Variants in LAMA2 observed in about 807,000 individuals in gnomAD.
LAMA2 encodes the protein laminin subunit alpha 2, also known as laminin subunit alpha-2.
A neutral mutation model predicts 364.8 loss-of-function variants in LAMA2; 269 were observed. The observed-to-expected ratio is 0.74, with a 90% CI of 0.67 to 0.82. LAMA2 has a LOEUF of 0.82. Among genes scored for constraint, LAMA2 ranks in the 40% least tolerant of loss-of-function variants. The pLI is 0.00. For synonymous variants in LAMA2, 1,379 were observed against 1,370.6 expected (o/e 1.01, Z -0.14); for missense variants, 3,807 against 3,873.2 (o/e 0.98, Z 0.45).
intron 1 of LAMA2, among the ~76,000 whole-genome samples, chr6:128,996,171 A>G (rs1430857547): frequency 6.6e-6 from 1 of 152,208 alleles, no homozygotes; most frequent in Non-Finnish European, 1.5e-5. Context: ...TAAAATGGCG[A>G]GTGAATGCTG....
rs1229054027 is a variant in LAMA2 at position 129,502,654 on chromosome 6, T to G, written c.8245-5T>G. 1 of 1,604,030 alleles carries G rather than the reference T, an allele frequency of 6.2e-7. No homozygotes were observed. Among genetic ancestry groups the G allele is most frequent in the South Asian group, 1.1e-5 (1 of 90,904 alleles). On this transcript the variant is annotated splice_region_variant and splice_polypyrimidine_tract_variant and intron_variant, in intron 58 of 64. Coordinates refer to ENST00000421865, the MANE Select transcript of LAMA2 (RefSeq NM_000426.4). ...TCCTGTTTTTCTCTCCTGGGTATTT[T>G]ACAGGGTCCTTGTGCTGCAGAATCA...
intron 1 of LAMA2, among the ~76,000 whole-genome samples, chr6:128,968,538 T>C (rs530179438): frequency 6.6e-6 from 1 of 152,150 alleles, no homozygotes; most frequent in African/African-American, 2.4e-5. Context: ...GGGAGTTAAT[T>C]GAAGGGGTAG....
intron 60 of LAMA2, 36 bp from the exon 61 acceptor site, chr6:129,505,164 C>T (rs771801507): frequency 1.3e-6 from 2 of 1,592,650 alleles, no homozygotes; most frequent in African/African-American, 2.7e-5. Flanking sequence ...GAAATTTGTT[C>T]AGGATTGGCA....
At chr6:129,205,493 T>TATATATATATATAC (rs1343472728) in intron 12 of LAMA2, among the ~76,000 whole-genome samples, 8 of 104,270 alleles carry the variant, frequency 7.7e-5, no homozygotes, top group African/African-American at 4.4e-4. Flanking sequence ...TATATATATA[T>TATATATATATATAC]ACACACACAC....
chr6:129,092,812 T>G (rs1774925077), intron 3 of LAMA2, among the ~76,000 whole-genome samples: 1 of 152,118 alleles, frequency 6.6e-6, no homozygotes, highest in Non-Finnish European at 1.5e-5. Context: ...TGACCTTCAT[T>G]AATATTTTTT....
At chr6:129,218,488 T>C (rs144549288) in intron 12 of LAMA2, among the ~76,000 whole-genome samples, 2 of 152,264 alleles carry the variant, frequency 1.3e-5, no homozygotes, top group African/African-American at 4.8e-5. Flanking sequence ...GAGGGGAAAA[T>C]GTAAATTAGA....
At chr6:129,117,758 C>T (rs1004435724) in intron 4 of LAMA2, among the ~76,000 whole-genome samples, 2 of 152,184 alleles carry the variant, frequency 1.3e-5, no homozygotes, top group Non-Finnish European at 2.9e-5. Flanking sequence ...ACTCATTAAA[C>T]CTTTACAGTA....
chr6:129,101,851 A>T (rs1304917234), intron 4 of LAMA2, among the ~76,000 whole-genome samples: 1 of 152,146 alleles, frequency 6.6e-6, no homozygotes. Context: ...CTCTCTAAAT[A>T]TTGCTTCTTC....
At chr6:128,969,491 G>A (rs978074696) in intron 1 of LAMA2, among the ~76,000 whole-genome samples, 2 of 152,026 alleles carry the variant, frequency 1.3e-5, no homozygotes, top group African/African-American at 4.8e-5. Context: ...GAGTGTAGTG[G>A]TGTGATCTCA....
intron 18 of LAMA2, among the ~76,000 whole-genome samples, chr6:129,287,558 G>T (rs535305138): frequency 6.6e-6 from 1 of 152,164 alleles, no homozygotes; most frequent in Non-Finnish European, 1.5e-5. Flanking sequence ...GATTCCTCCA[G>T]AGTGCCAGCA....
chr6:129,325,552 A>AG (rs560589242), intron 28 of LAMA2, among the ~76,000 whole-genome samples: 163 of 152,224 alleles, frequency 1.1e-3, no homozygotes, highest in African/African-American at 3.8e-3. Flanking sequence ...TTTAAAAAAA[A>AG]CAGCACGTTT....
At chr6:129,144,228 A>C in intron 5 of LAMA2, 148 bp downstream of exon 5, 1 of 585,406 alleles carries the variant, frequency 1.7e-6, no homozygotes, top group Non-Finnish European at 2.9e-6. Flanking sequence ...TATTATTATT[A>C]TTATTTGAAA....
At chr6:129,085,526 G>T (rs1774327148) in intron 3 of LAMA2, among the ~76,000 whole-genome samples, 1 of 152,120 alleles carries the variant, frequency 6.6e-6, no homozygotes, top group Non-Finnish European at 1.5e-5. Context: ...TTCTCCAATG[G>T]TAACATGTTT....
intron 22 of LAMA2, among the ~76,000 whole-genome samples, chr6:129,306,580 C>T (rs1186393510): frequency 2.6e-5 from 4 of 151,468 alleles, no homozygotes; most frequent in African/African-American, 9.7e-5. Context: ...TTGTCTCTTT[C>T]TGGAAATCAT....
intron 1 of LAMA2, among the ~76,000 whole-genome samples, chr6:128,972,864 C>T (rs17723635): frequency 6.6e-6 from 1 of 152,082 alleles, no homozygotes; most frequent in Non-Finnish European, 1.5e-5. Context: ...CAAATCATCT[C>T]TCTGTCTCTT....
At chr6:129,318,745 T>C (rs1774772363) in intron 27 of LAMA2, among the ~76,000 whole-genome samples, 1 of 152,222 alleles carries the variant, frequency 6.6e-6, no homozygotes, top group Non-Finnish European at 1.5e-5. Context: ...AGACCAATCT[T>C]CAGAGTGCAG....
At chr6:129,246,603 AG>A (rs1785769780) in intron 12 of LAMA2, among the ~76,000 whole-genome samples, 1 of 152,226 alleles carries the variant, frequency 6.6e-6, no homozygotes, top group Admixed American at 6.6e-5. Context: ...AATCTTCATT[AG>A]GGAAGTGCAA....
chr6:129,452,931 A>G (rs986000065), intron 45 of LAMA2, 57 bp from the exon 46 acceptor site: 19 of 1,478,792 alleles, frequency 1.3e-5, no homozygotes, highest in Non-Finnish European at 1.5e-5. Flanking sequence ...TATGGAAGCT[A>G]CTTCAAACTT....
At chr6:129,004,497 C>T (rs1169144488) in intron 1 of LAMA2, among the ~76,000 whole-genome samples, 1 of 151,228 alleles carries the variant, frequency 6.6e-6, no homozygotes, top group Non-Finnish European at 1.5e-5. Flanking sequence ...CTGACTTGCA[C>T]CTATATGTAC....
Sources: allele counts gnomAD v4.1 joint callset (sites outside exome capture counted in the v4.1 genomes callset), GRCh38; gene constraint gnomAD v4.1.1; transcripts MANE v1.5; gene names NCBI Gene and HGNC (gene_info 2026-07-23, HGNC 2026-07-21).